Variants in R3HCC1L observed in about 807,000 individuals in gnomAD.
R3HCC1L encodes coiled-coil domain-containing protein R3HCC1L.
In R3HCC1L, 51 loss-of-function variants were observed where a neutral mutation model predicts 59.9. The observed-to-expected ratio is 0.85, with a 90% confidence interval of 0.68 to 1.07. R3HCC1L has a LOEUF of 1.07. R3HCC1L is among the 50% of genes least tolerant of loss of function. The pLI, the probability that R3HCC1L is intolerant of heterozygous loss-of-function variation, is 0.00. For synonymous variants in R3HCC1L, 322 were observed against 315.2 expected (o/e 1.02, Z -0.23); for missense variants, 965 against 933.0 (o/e 1.03, Z -0.45).
rs78887510 is a variant in R3HCC1L at position 98,185,440 on chromosome 10, T to G, written c.-15+22043T>G. Among the ~76,000 whole-genome samples, 896 of 152,310 alleles carry G rather than the reference T, an allele frequency of 5.9e-3. 5 individuals are homozygous for G. Among genetic ancestry groups the G allele is most frequent in the African/African-American group, 0.021 (858 of 41,568 alleles). On this transcript the variant is annotated intron_variant, in intron 4 of 9. Coordinates refer to ENST00000298999, the MANE Select transcript of R3HCC1L (RefSeq NM_001351015.2). Reference sequence around the variant, plus strand: ...AGGAGGCACCCAGTCTTATCTAGAATGATTAGGTAAGGCTTCTCAGAGAAA... The same window carrying G: ...AGGAGGCACCCAGTCTTATCTAGAAGGATTAGGTAAGGCTTCTCAGAGAAA...
intron 4 of R3HCC1L, among the ~76,000 whole-genome samples, chr10:98,163,664 A>G (rs1258028914): frequency 6.6e-6 from 1 of 152,196 alleles, no homozygotes; most frequent in Non-Finnish European, 1.5e-5. Flanking sequence ...AAGTTGGATC[A>G]CTAGCTTTGC....
chr10:98,178,570 C>G (rs1485640782), intron 4 of R3HCC1L, among the ~76,000 whole-genome samples: 1 of 152,062 alleles, frequency 6.6e-6, no homozygotes, highest in Non-Finnish European at 1.5e-5. Context: ...TCCATATGAA[C>G]TTTAAAGTAG....
intron 9 of R3HCC1L, among the ~76,000 whole-genome samples, chr10:98,243,186 G>GAA (rs1857730718): frequency 6.6e-6 from 1 of 152,186 alleles, no homozygotes; most frequent in Admixed American, 6.5e-5. Context: ...TGTTTATTCT[G>GAA]AATTCATCTC....
At chr10:98,210,622 T>TG (rs1387946487) in intron 5 of R3HCC1L, among the ~76,000 whole-genome samples, 1 of 152,166 alleles carries the variant, frequency 6.6e-6, no homozygotes, top group Non-Finnish European at 1.5e-5. Flanking sequence ...TTCCCTATAG[T>TG]GGGTTCACAT....
chr10:98,208,781 G>A lies in R3HCC1L; in HGVS notation c.667G>A (p.Val223Ile). The change falls in exon 5 of 10, where the codon GTT becomes ATT. Residue 223 changes from valine to isoleucine, a missense_variant. Physicochemically the swap from Val to Ile is conservative, Grantham distance 29. Transcript: ENST00000298999. The part of the protein sequence containing the change: ...VLEILYEFPR[V>I]FSSVMKPENM... Reference sequence around the variant, plus strand: ...GGAGATACTATATGAGTTTCCTAGAGTTTTTAGTTCTGTCATGAAACCTGA... The same window carrying A: ...GGAGATACTATATGAGTTTCCTAGAATTTTTAGTTCTGTCATGAAACCTGA... The A allele has an allele frequency of 6.2e-7, 1 of 1,614,008 alleles. No homozygotes were observed.
chr10:98,208,042 T>G (rs965375891), intron 4 of R3HCC1L, 59 bp from the exon 5 acceptor site: 4 of 1,438,558 alleles, frequency 2.8e-6, no homozygotes, highest in African/African-American at 2.9e-5. Context: ...AAAAAGAAAA[T>G]ATTTTGGTTC....
intron 1 of R3HCC1L, among the ~76,000 whole-genome samples, chr10:98,135,296 TG>T (rs1040348931): frequency 4.6e-5 from 7 of 152,244 alleles, no homozygotes; most frequent in Non-Finnish European, 8.8e-5. Context: ...GCACAGGATT[TG>T]GAGTCTGATA....
chr10:98,193,838 C>A (rs1412413092), intron 4 of R3HCC1L, among the ~76,000 whole-genome samples: 1 of 151,942 alleles, frequency 6.6e-6, no homozygotes, highest in East Asian at 1.9e-4. Flanking sequence ...ACAAGAAGAC[C>A]AATATTCCTG....
intron 5 of R3HCC1L, among the ~76,000 whole-genome samples, chr10:98,217,901 T>G (rs962594959): frequency 3.3e-5 from 5 of 152,176 alleles, no homozygotes; most frequent in African/African-American, 9.7e-5. Context: ...TCTTTATCAG[T>G]TCTGAGAGTT....
intron 6 of R3HCC1L, among the ~76,000 whole-genome samples, chr10:98,233,993 C>T (rs1424535406): frequency 6.6e-6 from 1 of 152,078 alleles, no homozygotes; most frequent in Non-Finnish European, 1.5e-5. Context: ...ACCCCATTCT[C>T]TTCTCTTTCT....
intron 4 of R3HCC1L, chr10:98,174,558 G>C (rs1848810874): frequency 5.5e-5 from 52 of 945,138 alleles, no homozygotes; most frequent in Non-Finnish European, 6.6e-5. Context: ...AGTATATAAT[G>C]AGAGTGATAT....
intron 4 of R3HCC1L, among the ~76,000 whole-genome samples, chr10:98,177,934 C>A (rs920697531): frequency 6.6e-6 from 1 of 151,936 alleles, no homozygotes; most frequent in South Asian, 2.1e-4. Flanking sequence ...TGTTTAAGTT[C>A]TTTGTAGATT....
At chr10:98,223,989 T>TA (rs1855366649) in intron 5 of R3HCC1L, among the ~76,000 whole-genome samples, 3 of 152,240 alleles carry the variant, frequency 2.0e-5, no homozygotes, top group South Asian at 4.1e-4. Flanking sequence ...GCAGAATAAT[T>TA]ACGCAGGTGG....
At chr10:98,135,175 C>T (rs938161882) in intron 1 of R3HCC1L, among the ~76,000 whole-genome samples, 6 of 152,216 alleles carry the variant, frequency 3.9e-5, no homozygotes, top group Non-Finnish European at 8.8e-5. Flanking sequence ...AGTGAGCAAT[C>T]TATAAAGGAG....
chr10:98,178,227 G>A (rs193277835), intron 4 of R3HCC1L, among the ~76,000 whole-genome samples: 46 of 152,170 alleles, frequency 3.0e-4, no homozygotes, highest in South Asian at 2.1e-3. Flanking sequence ...AATCCATCTC[G>A]AATTAGTTTT....
intron 1 of R3HCC1L, among the ~76,000 whole-genome samples, chr10:98,135,943 A>G (rs1844530827): frequency 6.6e-6 from 1 of 152,074 alleles, no homozygotes; most frequent in South Asian, 2.1e-4. Context: ...TTTTTTTGAC[A>G]TTAAGCTTTG....
chr10:98,144,311 G>A (rs1436579805), intron 1 of R3HCC1L, among the ~76,000 whole-genome samples: 1 of 152,028 alleles, frequency 6.6e-6, no homozygotes, highest in East Asian at 1.9e-4. Context: ...CGCCTCCCAG[G>A]TTCAAGCAAT....
At chr10:98,169,179 A>ATTT (rs1848259096) in intron 4 of R3HCC1L, among the ~76,000 whole-genome samples, 2 of 152,160 alleles carry the variant, frequency 1.3e-5, no homozygotes, top group Non-Finnish European at 2.9e-5. Context: ...GCAGTCTTTG[A>ATTT]ACTCTTTTTG....
At chr10:98,153,783 A>G (rs913725504) in intron 1 of R3HCC1L, among the ~76,000 whole-genome samples, 17 of 148,992 alleles carry the variant, frequency 1.1e-4, no homozygotes, top group Non-Finnish European at 2.2e-4. Flanking sequence ...CCTGCACTTA[A>G]AGAATAAACT....
Sources: gnomAD v4.1 joint callset for allele counts (sites outside exome capture counted in the v4.1 genomes callset) on GRCh38, gnomAD v4.1.1 for gene constraint, MANE v1.5 for transcripts, NCBI Gene and HGNC (gene_info 2026-07-23, HGNC 2026-07-21) for gene names.